ATP6V1H: variants seen among roughly 807,000 people sequenced by gnomAD.
The protein encoded by ATP6V1H is ATPase H+ transporting V1 subunit H.
ATP6V1H carries 39 observed loss-of-function variants against 71.7 expected under a neutral mutation model. The observed-to-expected ratio is 0.54, with a 90% CI of 0.42 to 0.71. The LOEUF is 0.71. Among genes scored for constraint, ATP6V1H ranks in the 30% least tolerant of loss-of-function variants. The pLI, the probability that ATP6V1H is intolerant of heterozygous loss-of-function variation, is 0.00. For missense variants in ATP6V1H, 509 were observed against 594.9 expected, an observed-to-expected ratio of 0.86 and a Z score of 1.50; for synonymous variants, 192 against 199.3, an observed-to-expected ratio of 0.96 and a Z score of 0.31.
rs181700606 is a variant in ATP6V1H at position 53,831,295 on chromosome 8, C to T, written c.216+1689G>A. On this transcript the variant is annotated intron_variant, in intron 3 of 13. Coordinates refer to ENST00000359530, the MANE Select transcript of ATP6V1H (RefSeq NM_015941.4). ...CTAGGCTATATGGTAGAACCTATGG[C>T]TCCACACCTGTACAGTCTGTAACTA... 1.3e-3 allele frequency among the ~76,000 whole-genome samples: 194 copies of T among 152,262 alleles called. 2 individuals are homozygous for T. The highest frequency in any genetic ancestry group is 3.4e-4 in the Non-Finnish European group (23 of 68,014).
intron 13 of ATP6V1H, among the ~76,000 whole-genome samples, chr8:53,736,978 A>C (rs550839379): frequency 1.3e-5 from 2 of 152,260 alleles, no homozygotes; most frequent in South Asian, 2.1e-4. Context: ...AGCATTGTGA[A>C]ACTTTCTGTT....
chr8:53,723,554 T>G lies in ATP6V1H; in HGVS notation c.1392-7530A>C, dbSNP rs950838290. ...TCAGAACATCAAGGCAAAGATGGTT[T>G]ATCGTGATGTGGCCACTATGCATGT... On this transcript the variant is annotated intron_variant, in intron 13 of 13. Coordinates refer to ENST00000359530, the MANE Select transcript of ATP6V1H (RefSeq NM_015941.4). 3.4e-4 allele frequency among the ~76,000 whole-genome samples: 51 copies of G among 152,230 alleles called. 1 individual carries two copies. Among genetic ancestry groups the G allele is most frequent in the African/African-American group, 9.9e-4 (41 of 41,454 alleles).
Position 53,715,873 on chromosome 8 carries a change from G to C in ATP6V1H, c.*91C>G. On this transcript the variant is annotated 3_prime_UTR_variant, in exon 14 of 14. Coordinates refer to ENST00000359530, the MANE Select transcript of ATP6V1H (RefSeq NM_015941.4). ...AGCTATATAACAGAGGAAATTCCAA[G>C]TAAAATCAAACAGTGTTCACTCTTA... 1 of 1,119,774 alleles carries C rather than the reference G, an allele frequency of 8.9e-7. No individual in the cohort carries two copies. The highest frequency in any genetic ancestry group is 1.6e-5 in the South Asian group (1 of 61,200). 69.4% of individuals were successfully genotyped at this position (1,119,774 alleles called of 1,614,324 possible).
At position 53,715,887 on chromosome 8, in the gene ATP6V1H, T is replaced by C. The variant is rs1266146513; in HGVS notation, c.*77A>G. On this transcript the variant is annotated 3_prime_UTR_variant, in exon 14 of 14. Transcript: ENST00000359530. ...GGAAATTCCAAGTAAAATCAAACAG[T>C]GTTCACTCTTAACTCTAAACACAGT... 3.2e-6 allele frequency: 4 copies of C among 1,239,244 alleles called. No homozygotes were observed. Among genetic ancestry groups the C allele is most frequent in the Non-Finnish European group, 4.5e-6 (4 of 881,490 alleles). The allele number at this position is 1,239,244 out of a possible 1,614,324, so 76.8% of individuals were successfully genotyped here.
At chr8:53,787,896 T>C (rs1809435343) in intron 9 of ATP6V1H, among the ~76,000 whole-genome samples, 1 of 152,196 alleles carries the variant, frequency 6.6e-6, no homozygotes, top group African/African-American at 2.4e-5. Context: ...TAGCAGCTGC[T>C]AGATTTGTTC....
At chr8:53,717,758 A>G (rs371381357) in intron 13 of ATP6V1H, among the ~76,000 whole-genome samples, 49 of 152,258 alleles carry the variant, frequency 3.2e-4, no homozygotes, top group African/African-American at 1.2e-3. Context: ...TATTTATGGC[A>G]AATTTCCAGA....
intron 13 of ATP6V1H, among the ~76,000 whole-genome samples, chr8:53,733,503 C>T (rs943217716): frequency 8.5e-5 from 13 of 152,194 alleles, no homozygotes; most frequent in Non-Finnish European, 7.3e-5. Flanking sequence ...TGGCCTGCTC[C>T]GGCACCTGGA....
chr8:53,811,270 T>C, intron 6 of ATP6V1H, 53 bp from the exon 7 acceptor site: 2 of 1,519,532 alleles, frequency 1.3e-6, no homozygotes, highest in East Asian at 2.3e-5. Flanking sequence ...TTTATCCTAA[T>C]GTATCAGCTT....
At chr8:53,753,290 A>G (rs1807866869) in intron 12 of ATP6V1H, among the ~76,000 whole-genome samples, 1 of 152,240 alleles carries the variant, frequency 6.6e-6, no homozygotes, top group African/African-American at 2.4e-5. Context: ...GCATGGCCAC[A>G]GTTTTGGGCC....
intron 10 of ATP6V1H, among the ~76,000 whole-genome samples, chr8:53,770,504 A>G (rs1563458130): frequency 6.6e-6 from 1 of 152,204 alleles, no homozygotes; most frequent in Non-Finnish European, 1.5e-5. Flanking sequence ...AATTCGGTAT[A>G]ACCAGGATGT....
intron 10 of ATP6V1H, 72 bp from the exon 11 acceptor site, chr8:53,769,815 T>C: frequency 7.7e-7 from 1 of 1,297,402 alleles, no homozygotes; most frequent in Non-Finnish European, 1.1e-6. Context: ...CAAAATAAAA[T>C]GTCTTCACTT....
At chr8:53,784,222 C>G (rs534501472) in intron 9 of ATP6V1H, among the ~76,000 whole-genome samples, 1 of 152,202 alleles carries the variant, frequency 6.6e-6, no homozygotes, top group Non-Finnish European at 1.5e-5. Context: ...AATCTGGATG[C>G]TCCTGTATTG....
intron 12 of ATP6V1H, among the ~76,000 whole-genome samples, chr8:53,747,706 A>T (rs2130205799): frequency 6.6e-6 from 1 of 151,780 alleles, no homozygotes; most frequent in Admixed American, 6.6e-5. Context: ...TGCCCGGCTA[A>T]TTTTTTGTAT....
rs1189316025 is a variant in ATP6V1H at position 53,769,601 on chromosome 8, T to C, written c.1175+17A>G. ...GATAACAGATATTAAGAGTGTAAAG[T>C]AGAACAAAAAACTTACTTCAAGAGT... is the stretch of plus-strand genomic sequence containing the variant. On this transcript the variant is annotated intron_variant, in intron 11 of 13. Transcript: ENST00000359530. The C allele has an allele frequency of 1.8e-5, 29 of 1,608,096 alleles. No homozygotes were observed. The highest frequency in any genetic ancestry group is 5.6e-5 in the South Asian group (5 of 89,798).
chr8:53,772,278 A>T (rs1325129143), intron 9 of ATP6V1H, 111 bp from the exon 10 acceptor site: 11 of 836,346 alleles, frequency 1.3e-5, no homozygotes, highest in Non-Finnish European at 1.8e-5. Flanking sequence ...CTCAAGTTTA[A>T]CTATCACCTT....
chr8:53,743,790 A>G, intron 12 of ATP6V1H, 100 bp from the exon 13 acceptor site: 1 of 723,354 alleles, frequency 1.4e-6, no homozygotes, highest in Non-Finnish European at 2.3e-6. Context: ...AAGGAAAGTA[A>G]CAATGTACGT....
chr8:53,809,713 G>A (rs1009815979), intron 7 of ATP6V1H, among the ~76,000 whole-genome samples: 6 of 152,154 alleles, frequency 3.9e-5, no homozygotes, highest in African/African-American at 1.2e-4. Flanking sequence ...ACTTAAATAA[G>A]TTTGTAAGTC....
At chr8:53,816,933 T>C (rs182178216) in intron 5 of ATP6V1H, among the ~76,000 whole-genome samples, 9 of 152,304 alleles carry the variant, frequency 5.9e-5, no homozygotes, top group African/African-American at 2.2e-4. Flanking sequence ...CTACAAACAC[T>C]GTAGAGCTGT....
chr8:53,810,644 G>A (rs193036191), intron 7 of ATP6V1H, among the ~76,000 whole-genome samples: 2 of 152,270 alleles, frequency 1.3e-5, no homozygotes, highest in Admixed American at 1.3e-4. Flanking sequence ...GGAGGCTGAG[G>A]CAGGAGAATT....
Sources: gnomAD v4.1 joint callset for allele counts (sites outside exome capture counted in the v4.1 genomes callset) on GRCh38, gnomAD v4.1.1 for gene constraint, MANE v1.5 for transcripts, NCBI Gene and HGNC (gene_info 2026-07-23, HGNC 2026-07-21) for gene names.